The following MRPS23 variants were observed in gnomAD, a reference collection of about 807,000 sequenced individuals.
The protein encoded by MRPS23 is mitochondrial ribosomal protein S23, also known as small ribosomal subunit protein mS23.
Under a neutral mutation model 19.8 loss-of-function variants are expected in MRPS23, and 14 were observed. The ratio of observed to expected loss-of-function variants is 0.71; its 90% CI spans 0.47 to 1.11. The LOEUF is 1.11. Ranked by LOEUF, MRPS23 falls within the 50% of genes least tolerant of loss-of-function variation. The pLI, the probability that MRPS23 is intolerant of heterozygous loss-of-function variation, is 0.00. For missense variants in MRPS23, 242 were observed against 236.7 expected, an observed-to-expected ratio of 1.02 and a Z score of -0.15; for synonymous variants, 113 against 89.7, an observed-to-expected ratio of 1.26 and a Z score of -1.47.
At position 57,836,964 on chromosome 17, in the gene MRPS23, C is replaced by G. The variant is rs2073709954; in HGVS notation, c.*2819G>C. On this transcript the variant is annotated 3_prime_UTR_variant, in exon 5 of 5. Coordinates refer to ENST00000313608, the MANE Select transcript of MRPS23 (RefSeq NM_016070.4). ...AAAGTGCTGGGATTACAGGCGTGAG[C>G]CATGGAGCCCGGCCTGATTTTAAGC... is the stretch of plus-strand genomic sequence containing the variant. The G allele has an allele frequency of 6.6e-6, 1 of 152,262 alleles. No homozygotes were observed. Among genetic ancestry groups the G allele is most frequent in the Non-Finnish European group, 1.5e-5 (1 of 68,078 alleles). The allele number at this position is 152,262 out of a possible 1,614,324, so 9.4% of individuals were successfully genotyped here.
At chr17:57,845,144 C>T (rs532560278) in intron 2 of MRPS23, among the ~76,000 whole-genome samples, 1 of 152,138 alleles carries the variant, frequency 6.6e-6, no homozygotes, top group Non-Finnish European at 1.5e-5. Context: ...GTGATCCACC[C>T]GCCTCGGCCT....
chr17:57,847,361 G>A (rs544063759), intron 2 of MRPS23, among the ~76,000 whole-genome samples: 4 of 145,124 alleles, frequency 2.8e-5, no homozygotes, highest in Non-Finnish European at 4.5e-5. Context: ...TTTAAGTTTT[G>A]GAAAAAAAGA....
chr17:57,839,832 T>C lies in MRPS23; in HGVS notation c.524A>G (p.Gln175Arg), dbSNP rs1247229789. 6.2e-7 allele frequency: 1 copy of C among 1,614,104 alleles called. No homozygotes were observed. Among genetic ancestry groups the C allele is most frequent in the Admixed American group, 1.7e-5 (1 of 60,006 alleles). ...CTGGTCTGCAGGTGCCTCCAAATGC[T>C]GGTCCTGTGGAACTTCTTTCTGAGT... ...NETQKEVPQD[Q>R]HLEAPADQSK... The change falls in exon 5 of 5, where the codon CAG (glutamine) becomes CGG (arginine). Residue 175 changes from glutamine (Q) to arginine (R), a missense_variant. Transcript: ENST00000313608.
In MRPS23 at chr17:57,845,728, C is replaced by A. The variant is rs2685492; in HGVS notation, c.215+3512G>T. Among the ~76,000 whole-genome samples, 59 of 152,100 alleles carry A rather than the reference C, an allele frequency of 3.9e-4. No homozygotes were observed. In the East Asian group the frequency reaches 9.9e-3, roughly 25 times the overall value. ...CTGATGGCCATTCTCCAAACAGTCC[C>A]AGTCCTGGCCCTCCACCATTCCTCT... On this transcript the variant is annotated intron_variant, in intron 2 of 4. Transcript: ENST00000313608.
At chr17:57,846,206 G>C (rs1318946178) in intron 2 of MRPS23, among the ~76,000 whole-genome samples, 2 of 151,118 alleles carry the variant, frequency 1.3e-5, no homozygotes, top group African/African-American at 2.4e-5. Flanking sequence ...GGAGGGAGGT[G>C]GGGGGCAGCC....
chr17:57,849,912 G>A, intron 1 of MRPS23, 55 bp downstream of exon 1: 2 of 1,557,040 alleles, frequency 1.3e-6, no homozygotes, highest in Non-Finnish European at 1.7e-6. Flanking sequence ...GTGACCGGCT[G>A]AGAACCCCAG....
rs59289595 is a variant in MRPS23 at position 57,838,289 on chromosome 17, C to CAAAAAAAAAAAAAAAAAAAAAAAAA, written c.*1469_*1493dup. ...TGGGAAACAAAGTGATACTCCATCG[C>CAAAAAAAAAAAAAAAAAAAAAAAAA]AAAAAAAAAAAAAAAAAAAAAAAAA... On this transcript the variant is annotated 3_prime_UTR_variant, in exon 5 of 5. Coordinates refer to ENST00000313608, the MANE Select transcript of MRPS23 (RefSeq NM_016070.4). 2 of 29,414 alleles carry CAAAAAAAAAAAAAAAAAAAAAAAAA rather than the reference C, an allele frequency of 6.8e-5. No individual in the cohort carries two copies. Among genetic ancestry groups the CAAAAAAAAAAAAAAAAAAAAAAAAA allele is most frequent in the African/African-American group, 9.9e-5 (1 of 10,146 alleles). The allele number at this position is 29,414 out of a possible 1,614,324, so 1.8% of individuals were successfully genotyped here.
chr17:57,849,654 G>A (rs866128827), intron 1 of MRPS23, among the ~76,000 whole-genome samples: 3 of 152,196 alleles, frequency 2.0e-5, no homozygotes, highest in Non-Finnish European at 4.4e-5. Context: ...ACGGAAAAAT[G>A]CAAAGAGCGG....
rs1207225759 is a variant in MRPS23, at chr17:57,841,296, T to C, written c.216-36A>G. On this transcript the variant is annotated intron_variant, in intron 2 of 4. Transcript: ENST00000313608. ...CAAACAACATAATATAAATCTCCGA[T>C]TATAGACTGTGGATGAGAATGGAAT... 6.3e-6 allele frequency: 10 copies of C among 1,582,432 alleles called. No homozygotes were observed. In the East Asian group the frequency reaches 8.9e-5, roughly 14 times the overall value.
rs1323230074 is a variant in MRPS23, at chr17:57,836,357, T to C, written c.*3426A>G. The C allele has an allele frequency of 6.6e-6, 1 of 152,190 alleles. No homozygotes were observed. The highest frequency in any genetic ancestry group is 1.5e-5 in the Non-Finnish European group (1 of 68,024). The allele number at this position is 152,190 out of a possible 1,614,324, so 9.4% of individuals were successfully genotyped here. ...GTAGACCAACAGCAGTGAAGCACCT[T>C]ATGAACACAATCTGTAGGGGGTTCA... On this transcript the variant is annotated 3_prime_UTR_variant, in exon 5 of 5. Transcript: ENST00000313608.
intron 2 of MRPS23, among the ~76,000 whole-genome samples, chr17:57,846,390 C>G (rs1162963444): frequency 6.6e-6 from 1 of 152,176 alleles, no homozygotes; most frequent in African/African-American, 2.4e-5. Context: ...GCCCCTCTGC[C>G]CGGCCGCCAC....
rs2073714040 is a variant in MRPS23 at position 57,837,749 on chromosome 17, T to A, written c.*2034A>T. On this transcript the variant is annotated 3_prime_UTR_variant, in exon 5 of 5. Transcript: ENST00000313608. Reference sequence around the variant, plus strand: ...GGGCGGCTGAGGCAGGAGGATCGCTTGAGGCCAGGAGTTTGAGACCAGGCC... The same window carrying A: ...GGGCGGCTGAGGCAGGAGGATCGCTAGAGGCCAGGAGTTTGAGACCAGGCC... 1 of 152,364 alleles carries A rather than the reference T, an allele frequency of 6.6e-6. No individual in the cohort carries two copies. Among genetic ancestry groups the A allele is most frequent in the South Asian group, 2.1e-4 (1 of 4,836 alleles). 9.4% of individuals were successfully genotyped at this position (152,364 alleles called of 1,614,324 possible).
At chr17:57,841,610 C>T (rs902374942) in intron 2 of MRPS23, among the ~76,000 whole-genome samples, 1 of 152,240 alleles carries the variant, frequency 6.6e-6, no homozygotes, top group East Asian at 1.9e-4. Flanking sequence ...TCCCTGTCCC[C>T]AGCCACATTT....
chr17:57,846,857 T>C (rs1035511212), intron 2 of MRPS23, among the ~76,000 whole-genome samples: 1 of 151,022 alleles, frequency 6.6e-6, no homozygotes. Flanking sequence ...CCTCCACTAT[T>C]GTCCTATGAC....
chr17:57,835,779 T>C lies in MRPS23; in HGVS notation c.*4004A>G, dbSNP rs1321545867. ...GTCACATAGTAAAAACTGCCTGGAGTATCCAGATCTAGAACCCAAATCTTC... is the reference window on the plus strand; with the variant it reads ...GTCACATAGTAAAAACTGCCTGGAGCATCCAGATCTAGAACCCAAATCTTC... On this transcript the variant is annotated 3_prime_UTR_variant, in exon 5 of 5. Coordinates refer to ENST00000313608, the MANE Select transcript of MRPS23 (RefSeq NM_016070.4). 1 of 152,074 alleles carries C rather than the reference T, an allele frequency of 6.6e-6. No individual in the cohort carries two copies. Among genetic ancestry groups the C allele is most frequent in the Non-Finnish European group, 1.5e-5 (1 of 68,030 alleles). 9.4% of individuals were successfully genotyped at this position (152,074 alleles called of 1,614,324 possible).
chr17:57,843,856 T>C (rs1403851975), intron 2 of MRPS23, among the ~76,000 whole-genome samples: 1 of 152,232 alleles, frequency 6.6e-6, no homozygotes, highest in Non-Finnish European at 1.5e-5. Context: ...CATAGAAAAT[T>C]AGTCCTTTGT....
intron 3 of MRPS23, 63 bp from the exon 4 acceptor site, chr17:57,841,115 A>G: frequency 4.3e-6 from 7 of 1,610,344 alleles, no homozygotes; most frequent in Non-Finnish European, 5.1e-6. Context: ...GCTGTTACAC[A>G]ATATCAAATG....
Position 57,835,785 on chromosome 17 carries a change from G to C in MRPS23, c.*3998C>G, listed in dbSNP as rs1338498377. 6.6e-6 allele frequency: 1 copy of C among 152,152 alleles called. No individual in the cohort carries two copies. The highest frequency in any genetic ancestry group is 2.4e-5 in the African/African-American group (1 of 41,414). 9.4% of individuals were successfully genotyped at this position (152,152 alleles called of 1,614,324 possible). ...TAGTAAAAACTGCCTGGAGTATCCA[G>C]ATCTAGAACCCAAATCTTCATTACT... On this transcript the variant is annotated 3_prime_UTR_variant, in exon 5 of 5. Coordinates refer to ENST00000313608, the MANE Select transcript of MRPS23 (RefSeq NM_016070.4).
chr17:57,835,801 C>A lies in MRPS23; in HGVS notation c.*3982G>T, dbSNP rs2073700625. 1.3e-5 allele frequency: 2 copies of A among 152,266 alleles called. No homozygotes were observed. The highest frequency in any genetic ancestry group is 2.1e-4 in the South Asian group (1 of 4,820). The allele number at this position is 152,266 out of a possible 1,614,324, so 9.4% of individuals were successfully genotyped here. A position where few individuals can be genotyped will look rare whatever the true frequency, so the allele number is the denominator to read the frequency against. Reference sequence around the variant, plus strand: ...GAGTATCCAGATCTAGAACCCAAATCTTCATTACTTGTCTGGGGCAAACTT... The same window carrying A: ...GAGTATCCAGATCTAGAACCCAAATATTCATTACTTGTCTGGGGCAAACTT... On this transcript the variant is annotated 3_prime_UTR_variant, in exon 5 of 5. Transcript: ENST00000313608.
Sources: gnomAD v4.1 joint callset for allele counts (sites outside exome capture counted in the v4.1 genomes callset) on GRCh38, gnomAD v4.1.1 for gene constraint, MANE v1.5 for transcripts, NCBI Gene and HGNC (gene_info 2026-07-23, HGNC 2026-07-21) for gene names.